Variants in TRIB2 observed in about 807,000 individuals in gnomAD.
The protein encoded by TRIB2 is tribbles pseudokinase 2.
A neutral mutation model predicts 26.8 loss-of-function variants in TRIB2; 2 were observed. The ratio of observed to expected loss-of-function variants is 0.07; its 90% CI spans 0.03 to 0.24. TRIB2 has a LOEUF of 0.24. Among genes scored for constraint, TRIB2 ranks in the 10% least tolerant of loss-of-function variants. The probability of loss-of-function intolerance (pLI) is 1.00; values close to 1 mark genes in which losing one functional copy is unlikely to be tolerated. For synonymous variants in TRIB2, 189 were observed against 187.3 expected (o/e 1.01, Z -0.08); for missense variants, 306 against 449.0 (o/e 0.68, Z 2.88).
chr2:12,722,180 T>C (rs1661233618), intron 1 of TRIB2, among the ~76,000 whole-genome samples: 1 of 152,168 alleles, frequency 6.6e-6, no homozygotes, highest in Non-Finnish European at 1.5e-5. Flanking sequence ...AAAATGATGA[T>C]GAAAGAAAGT....
intron 1 of TRIB2, among the ~76,000 whole-genome samples, chr2:12,720,072 T>C: frequency 6.6e-6 from 1 of 152,254 alleles, no homozygotes; most frequent in East Asian, 1.9e-4. Flanking sequence ...TCAACTTCAG[T>C]ACAGCATTTT....
chr2:12,719,576 GTT>G (rs11431277), intron 1 of TRIB2, among the ~76,000 whole-genome samples: 2 of 138,374 alleles, frequency 1.4e-5, no homozygotes, highest in Non-Finnish European at 3.1e-5. Flanking sequence ...TTTGCTGACT[GTT>G]TTTTTTTTTT....
intron 2 of TRIB2, chr2:12,724,892 C>G: frequency 6.6e-7 from 1 of 1,525,834 alleles, no homozygotes; most frequent in Non-Finnish European, 8.8e-7. Context: ...TCTCTCTACC[C>G]TTGTATGTTC....
In TRIB2 at chr2:12,732,641, A is replaced by G. The variant is rs2103256344; in HGVS notation, c.564-7685A>G. Among the ~76,000 whole-genome samples, 1 of 152,334 alleles carries G rather than the reference A, an allele frequency of 6.6e-6. No homozygotes were observed. Among genetic ancestry groups the G allele is most frequent in the South Asian group, 2.1e-4 (1 of 4,830 alleles). On this transcript the variant is annotated intron_variant, in intron 2 of 2. Transcript: ENST00000155926. The surrounding 1 kb of genome is among the most constrained non-coding windows in gnomAD (Gnocchi z 4.2). ...AAAGTCTGTGCATACATGAACCAGAATTAAGTGAACGACAATTTATTTGGC... is the reference window on the plus strand; with the variant it reads ...AAAGTCTGTGCATACATGAACCAGAGTTAAGTGAACGACAATTTATTTGGC...
chr2:12,730,920 T>C (rs1461136609), intron 2 of TRIB2, among the ~76,000 whole-genome samples: 1 of 152,186 alleles, frequency 6.6e-6, no homozygotes, highest in Non-Finnish European at 1.5e-5. Context: ...GACATTGCCA[T>C]GCATAAGAAG....
In TRIB2 at chr2:12,723,315, C is replaced by A. The variant is rs1240954840; in HGVS notation, c.326C>A (p.Ala109Asp). The change falls in exon 2 of 3, where the codon GCT (alanine) becomes GAT (aspartate). Residue 109 changes from alanine to aspartate, a missense_variant. Physicochemically the swap from Ala to Asp is moderately radical, Grantham distance 126 (BLOSUM62 -2). This residue lies in a region of TRIB2 where 118 missense variants were observed against 188.8 expected (regional missense o/e 0.63). Transcript: ENST00000155926. ...ESLAPCFCLS[A>D]HSNINQITEI... ...CTGGCACCGTGCTTTTGCCTGTCTG[C>A]TCATAGTAACATCAACCAAATCACT... 1.1e-5 allele frequency: 17 copies of A among 1,614,224 alleles called. No homozygotes were observed. The highest frequency in any genetic ancestry group is 5.9e-6 in the Non-Finnish European group (7 of 1,180,042).
intron 1 of TRIB2, among the ~76,000 whole-genome samples, chr2:12,722,965 C>T (rs1661258596): frequency 6.6e-6 from 1 of 152,144 alleles, no homozygotes; most frequent in Admixed American, 6.5e-5. Flanking sequence ...TATTTCTGTA[C>T]TGCATTACGT....
At chr2:12,729,628 A>G (rs960795496) in intron 2 of TRIB2, among the ~76,000 whole-genome samples, 1 of 152,144 alleles carries the variant, frequency 6.6e-6, no homozygotes, top group African/African-American at 2.4e-5. Context: ...CTGTAATTTT[A>G]TTCATGAAGG....
In TRIB2 at chr2:12,718,584, G is replaced by A; in HGVS notation, c.270+7G>A. On this transcript the variant is annotated splice_region_variant and intron_variant, in intron 1 of 2. Transcript: ENST00000155926. The surrounding 1 kb of genome is among the most constrained non-coding windows in gnomAD (Gnocchi z 4.0). Reference sequence around the variant, plus strand: ...AGAGGAGCTGGTGTGCAAGGTAAAGGGCCAGTGGGTTGCTTTTTGTCTTTG... The same window carrying A: ...AGAGGAGCTGGTGTGCAAGGTAAAGAGCCAGTGGGTTGCTTTTTGTCTTTG... The A allele has an allele frequency of 1.2e-6, 2 of 1,606,718 alleles. No individual in the cohort carries two copies. Among genetic ancestry groups the A allele is most frequent in the Non-Finnish European group, 1.7e-6 (2 of 1,173,722 alleles).
chr2:12,739,257 A>G (rs1336710467), intron 2 of TRIB2, among the ~76,000 whole-genome samples: 1 of 151,992 alleles, frequency 6.6e-6, no homozygotes, highest in African/African-American at 2.4e-5. Context: ...GGGAAAGAAG[A>G]TGGTTTTGTT....
At chr2:12,739,887 C>T (rs1558321115) in intron 2 of TRIB2, among the ~76,000 whole-genome samples, 1 of 152,188 alleles carries the variant, frequency 6.6e-6, no homozygotes. Flanking sequence ...ATGTTAGTTA[C>T]ACGTCTGCCA....
chr2:12,734,238 G>A (rs755885320), intron 2 of TRIB2, among the ~76,000 whole-genome samples: 29 of 152,150 alleles, frequency 1.9e-4, no homozygotes, highest in Admixed American at 1.6e-3. Context: ...CATTTACAGC[G>A]TTTTAGGCAC....
chr2:12,724,742 T>A, intron 2 of TRIB2: 1 of 1,612,918 alleles, frequency 6.2e-7, no homozygotes, highest in Middle Eastern at 1.6e-4. Flanking sequence ...AGCCTCATAT[T>A]TCTCCTTCTG....
chr2:12,719,153 G>A (rs1370126741), intron 1 of TRIB2, among the ~76,000 whole-genome samples: 3 of 152,118 alleles, frequency 2.0e-5, no homozygotes, highest in Non-Finnish European at 4.4e-5. Flanking sequence ...GAGGGTTGGG[G>A]TGGAAATCAA....
chr2:12,717,753 G>C lies in TRIB2; in HGVS notation c.-555G>C. 2.8e-6 allele frequency: 1 copy of C among 360,970 alleles called. No individual in the cohort carries two copies. Among genetic ancestry groups the C allele is most frequent in the Non-Finnish European group, 4.9e-6 (1 of 203,048 alleles). 22.4% of individuals were successfully genotyped at this position (360,970 alleles called of 1,614,324 possible). A position where few individuals can be genotyped will look rare whatever the true frequency, so the allele number is the denominator to read the frequency against. On this transcript the variant is annotated 5_prime_UTR_variant, in exon 1 of 3. Coordinates refer to ENST00000155926, the MANE Select transcript of TRIB2 (RefSeq NM_021643.4). The surrounding 1 kb of genome is among the most constrained non-coding windows in gnomAD (Gnocchi z 4.8). ...CCACCCTTTCCACCAAAAAAAGGGG[G>C]TGCAGCGCGGATTCTGGCTGCCGTG...
rs564356114 is a variant in TRIB2 at position 12,723,256 on chromosome 2, G to T, written c.271-4G>T. 6.2e-7 allele frequency: 1 copy of T among 1,610,868 alleles called. No homozygotes were observed. The highest frequency in any genetic ancestry group is 8.5e-7 in the Non-Finnish European group (1 of 1,179,272). On this transcript the variant is annotated splice_polypyrimidine_tract_variant and splice_region_variant and intron_variant, in intron 1 of 2. Coordinates refer to ENST00000155926, the MANE Select transcript of TRIB2 (RefSeq NM_021643.4). ...CTTTGGTCTTACTGTTAATCCTGTC[G>T]TAGGTGTTTGATATCAGCTGCTACC...
chr2:12,727,482 A>G (rs1317460950), intron 2 of TRIB2, among the ~76,000 whole-genome samples: 1 of 152,218 alleles, frequency 6.6e-6, no homozygotes, highest in Admixed American at 6.5e-5. Flanking sequence ...TCATTAAGTT[A>G]GTGCCAAAGG....
chr2:12,724,497 C>T (rs2103251459), intron 2 of TRIB2: 1 of 1,445,292 alleles, frequency 6.9e-7, no homozygotes, highest in Non-Finnish European at 9.3e-7. Context: ...TGAGGCCCCA[C>T]ATAATGTGGA....
chr2:12,718,571 G>A lies in TRIB2; in HGVS notation c.264G>A (p.Val88=). ...ATCTGCACAGCGGAGAGGAGCTGGT[G>A]TGCAAGGTAAAGGGCCAGTGGGTTG... The part of the protein sequence containing the change: ...AVHLHSGEEL[V]CKVFDISCYQ... Residue 88 remains valine (V), a synonymous_variant, in exon 1 of 3, where the codon GTG becomes GTA. Transcript: ENST00000155926. This position sits in a 1 kb window ranked among gnomAD's most constrained non-coding sequence, Gnocchi z 4.0. 2 of 1,613,050 alleles carry A rather than the reference G, an allele frequency of 1.2e-6. 1 individual carries two copies. Among genetic ancestry groups the A allele is most frequent in the Non-Finnish European group, 1.7e-6 (2 of 1,178,994 alleles).
Sources: allele counts gnomAD v4.1 joint callset (sites outside exome capture counted in the v4.1 genomes callset), GRCh38; gene constraint gnomAD v4.1.1; regional missense constraint gnomAD v4.1.1; non-coding constraint Gnocchi (gnomAD v3.1); transcripts MANE v1.5; gene names NCBI Gene and HGNC (gene_info 2026-07-23, HGNC 2026-07-21).